The following G3BP2 variants were observed in gnomAD, a reference collection of about 807,000 sequenced individuals.
G3BP2 encodes the protein ras GTPase-activating protein-binding protein 2.
Under a neutral mutation model 56.7 loss-of-function variants are expected in G3BP2, and 11 were observed. That is an observed-to-expected ratio of 0.19 (90% CI 0.12 to 0.32). The LOEUF is 0.32. Ranked by LOEUF, G3BP2 falls within the 10% of genes least tolerant of loss-of-function variation. The probability of loss-of-function intolerance (pLI) is 1.00; values close to 1 mark genes in which losing one functional copy is unlikely to be tolerated. For missense variants in G3BP2, 340 were observed against 610.9 expected, an observed-to-expected ratio of 0.56 and a Z score of 4.67; for synonymous variants, 165 against 191.6, an observed-to-expected ratio of 0.86 and a Z score of 1.15.
chr4:75,663,218 T>C (rs1732707929), intron 1 of G3BP2, among the ~76,000 whole-genome samples: 1 of 152,196 alleles, frequency 6.6e-6, no homozygotes, highest in African/African-American at 2.4e-5. Flanking sequence ...GCCTCAAAGT[T>C]AAAACCAACA....
intron 3 of G3BP2, among the ~76,000 whole-genome samples, chr4:75,679,839 G>C (rs943894751): frequency 1.3e-5 from 2 of 152,268 alleles, no homozygotes; most frequent in Non-Finnish European, 1.5e-5. Context: ...AGCACCTCAG[G>C]CTGAGTAAAT....
chr4:75,673,132 C>G (rs1733638665), intron 1 of G3BP2, 76 bp downstream of exon 1: 1 of 1,107,906 alleles, frequency 9.0e-7, no homozygotes, highest in Admixed American at 5.0e-5. Flanking sequence ...GGACGATTGC[C>G]TCGCGCCGCG....
intron 3 of G3BP2, among the ~76,000 whole-genome samples, chr4:75,679,852 G>A (rs1734007032): frequency 6.6e-6 from 1 of 152,166 alleles, no homozygotes; most frequent in East Asian, 1.9e-4. Flanking sequence ...GAGTAAATGA[G>A]GTGCTTTTCA....
intron 3 of G3BP2, among the ~76,000 whole-genome samples, chr4:75,719,207 G>A (rs1720047219): frequency 6.6e-6 from 1 of 151,282 alleles, no homozygotes; most frequent in Non-Finnish European, 1.5e-5. Flanking sequence ...AATTAGCCGG[G>A]CTTAGTGGCG....
intron 8 of G3BP2, among the ~76,000 whole-genome samples, chr4:75,649,636 G>A (rs1731518656): frequency 6.6e-6 from 1 of 152,158 alleles, no homozygotes; most frequent in African/African-American, 2.4e-5. Flanking sequence ...TCCAAGGAGA[G>A]ACAAATATAT....
chr4:75,715,728 C>T (rs1719904145), intron 3 of G3BP2, among the ~76,000 whole-genome samples: 1 of 152,188 alleles, frequency 6.6e-6, no homozygotes, highest in South Asian at 2.1e-4. Context: ...ACCCATCAGC[C>T]ATGCCCCGGG....
At chr4:75,720,234 G>A (rs1720106747) in intron 3 of G3BP2, among the ~76,000 whole-genome samples, 1 of 151,524 alleles carries the variant, frequency 6.6e-6, no homozygotes, top group Non-Finnish European at 1.5e-5. Flanking sequence ...TTTTGAGGGC[G>A]CCGGGCGCGG....
At chr4:75,693,725 T>C (rs1427980978) in intron 3 of G3BP2, among the ~76,000 whole-genome samples, 1 of 150,348 alleles carries the variant, frequency 6.7e-6, no homozygotes, top group Non-Finnish European at 1.5e-5. Context: ...GGAGGCAGAG[T>C]TTGCAGTGAG....
At chr4:75,692,343 G>A (rs938968061) in intron 3 of G3BP2, among the ~76,000 whole-genome samples, 15 of 151,414 alleles carry the variant, frequency 9.9e-5, no homozygotes, top group African/African-American at 3.6e-4. Flanking sequence ...ACAGAGTTTC[G>A]CTCTGTTGCC....
intron 3 of G3BP2, among the ~76,000 whole-genome samples, chr4:75,712,536 CCTCT>C (rs1002327002): frequency 1.3e-5 from 2 of 152,004 alleles, no homozygotes; most frequent in African/African-American, 4.8e-5. Flanking sequence ...TTTACAGTTC[CCTCT>C]GTCAAATATT....
intron 8 of G3BP2, among the ~76,000 whole-genome samples, chr4:75,649,967 C>T (rs577278977): frequency 1.7e-4 from 26 of 151,944 alleles, no homozygotes; most frequent in South Asian, 6.2e-4. Flanking sequence ...GCCAAGATCA[C>T]GCCACTGCAC....
intron 1 of G3BP2, chr4:75,672,955 G>T: frequency 1.0e-6 from 1 of 972,096 alleles, no homozygotes; most frequent in Non-Finnish European, 1.2e-6. Context: ...TGTGCACTCG[G>T]AGCCCTCTGC....
At chr4:75,688,269 G>A (rs1036762701) in intron 3 of G3BP2, among the ~76,000 whole-genome samples, 1 of 151,716 alleles carries the variant, frequency 6.6e-6, no homozygotes, top group Non-Finnish European at 1.5e-5. Context: ...TCTCAAACTC[G>A]TGGTCTCAAG....
intron 3 of G3BP2, among the ~76,000 whole-genome samples, chr4:75,718,420 G>A (rs995279314): frequency 3.3e-5 from 5 of 152,092 alleles, no homozygotes; most frequent in African/African-American, 9.7e-5. Flanking sequence ...TCTTTGCAGA[G>A]AGGCAGAACT....
intron 3 of G3BP2, among the ~76,000 whole-genome samples, chr4:75,713,752 A>G (rs1008447790): frequency 6.6e-6 from 1 of 152,224 alleles, no homozygotes; most frequent in Non-Finnish European, 1.5e-5. Flanking sequence ...ATGGGGCACT[A>G]TACTGCAGCC....
Position 75,647,187 on chromosome 4 carries a change from G to A in G3BP2, c.929-30C>T, listed in dbSNP as rs779930244. ...GAATAGAAATAGAGCAGATACTAAA[G>A]TTTACAATATCATAAAAACTACTTC... On this transcript the variant is annotated intron_variant, in intron 9 of 11. Coordinates refer to ENST00000359707, the MANE Select transcript of G3BP2 (RefSeq NM_203505.3). 19 of 1,452,600 alleles carry A rather than the reference G, an allele frequency of 1.3e-5. No homozygotes were observed. In the Middle Eastern group the frequency reaches 7.2e-4, roughly 55 times the overall value. The allele number at this position is 1,452,600 out of a possible 1,614,324, so 90.0% of individuals were successfully genotyped here.
chr4:75,704,012 GTTTT>G (rs11315970), intron 3 of G3BP2, among the ~76,000 whole-genome samples: 1 of 138,960 alleles, frequency 7.2e-6, no homozygotes, highest in Non-Finnish European at 1.6e-5. Flanking sequence ...TCTATGAAAG[GTTTT>G]TTTTTTTTTC....
intron 3 of G3BP2, among the ~76,000 whole-genome samples, chr4:75,690,804 T>A (rs910981323): frequency 6.6e-6 from 1 of 152,154 alleles, no homozygotes; most frequent in South Asian, 2.1e-4. Flanking sequence ...GCTCAAGCAA[T>A]CCACCTGCCT....
intron 3 of G3BP2, among the ~76,000 whole-genome samples, chr4:75,679,914 G>A (rs925594538): frequency 2.0e-5 from 3 of 152,180 alleles, no homozygotes; most frequent in African/African-American, 7.2e-5. Flanking sequence ...ATAAATGAAT[G>A]AGGAGGCATT....
Sources: allele counts gnomAD v4.1 joint callset (sites outside exome capture counted in the v4.1 genomes callset), GRCh38; gene constraint gnomAD v4.1.1; transcripts MANE v1.5; gene names NCBI Gene and HGNC (gene_info 2026-07-23, HGNC 2026-07-21).